The following ATAD2 variants were observed in gnomAD, a reference collection of about 807,000 sequenced individuals.
ATAD2 encodes the protein ATPase family AAA domain containing 2, also known as ATPase family AAA domain-containing protein 2.
In ATAD2, 62 loss-of-function variants were observed where a neutral mutation model predicts 168.9. The ratio of observed to expected loss-of-function variants is 0.37; its 90% confidence interval spans 0.30 to 0.45. ATAD2 has a LOEUF of 0.45. Ranked by LOEUF, ATAD2 falls within the 20% of genes least tolerant of loss-of-function variation. The pLI is 1.00. For synonymous variants in ATAD2, 613 were observed against 571.6 expected (o/e 1.07, Z -1.03); for missense variants, 1,419 against 1,667.8 (o/e 0.85, Z 2.60).
At chr8:123,381,459 C>T (rs762846050) in intron 1 of ATAD2, among the ~76,000 whole-genome samples, 3 of 151,368 alleles carry the variant, frequency 2.0e-5, no homozygotes, top group Non-Finnish European at 4.4e-5. Context: ...CGTGATCGCG[C>T]CACTGCACTC....
intron 1 of ATAD2, among the ~76,000 whole-genome samples, chr8:123,381,414 T>C (rs984143588): frequency 1.3e-5 from 2 of 152,070 alleles, no homozygotes; most frequent in African/African-American, 2.4e-5. Flanking sequence ...AATGGGAGGA[T>C]GATTTGAGCC....
In ATAD2 at chr8:123,396,202, G is replaced by T; in HGVS notation, c.156C>A (p.Thr52=). ...AGAAQKKPAA[T]TAKAGDGSSV... The stretch of plus-strand genomic sequence containing the variant: ...CCGTACTCACGCCCGCTTTGGCTGT[G>T]GTCGCCGCGGGTTTCTTCTGCGCCG... The change falls in exon 1 of 28, where the codon ACC becomes ACA. Residue 52 remains threonine, a synonymous_variant. Coordinates refer to ENST00000287394, the MANE Select transcript of ATAD2 (RefSeq NM_014109.4). 6.3e-7 allele frequency: 1 copy of T among 1,581,684 alleles called. No individual in the cohort carries two copies. Among genetic ancestry groups the T allele is most frequent in the Non-Finnish European group, 8.6e-7 (1 of 1,169,010 alleles).
chr8:123,401,771 T>G (rs1813006848), intron 1 of ATAD2: 1 of 749,666 alleles, frequency 1.3e-6, no homozygotes, highest in Non-Finnish European at 2.4e-6. Flanking sequence ...CGAATAGTTC[T>G]CAGATGGGGT....
chr8:123,366,738 A>G (rs1828991213), intron 8 of ATAD2, among the ~76,000 whole-genome samples: 1 of 152,214 alleles, frequency 6.6e-6, no homozygotes, highest in Non-Finnish European at 1.5e-5. Flanking sequence ...TCAGGGGGAA[A>G]GAGTGGGAAG....
chr8:123,334,781 C>T (rs963909982), intron 22 of ATAD2, among the ~76,000 whole-genome samples: 1 of 152,276 alleles, frequency 6.6e-6, no homozygotes, highest in African/African-American at 2.4e-5. Flanking sequence ...AAATCCTAAG[C>T]TCAGAGTATG....
chr8:123,393,857 C>T (rs988431243), intron 1 of ATAD2, among the ~76,000 whole-genome samples: 2 of 151,958 alleles, frequency 1.3e-5, no homozygotes, highest in African/African-American at 4.8e-5. Flanking sequence ...GCGGAAACTG[C>T]AGCAAGCCGA....
At chr8:123,354,864 A>AAAAAAAATAT (rs1554644338) in intron 13 of ATAD2, among the ~76,000 whole-genome samples, 1 of 64,714 alleles carries the variant, frequency 1.5e-5, no homozygotes, top group African/African-American at 8.7e-5. Flanking sequence ...AAAAAAAAAA[A>AAAAAAAATAT]ATATATATAT....
intron 23 of ATAD2, 83 bp downstream of exon 23, chr8:123,334,115 CTT>C (rs988712100): frequency 1.3e-6 from 2 of 1,543,970 alleles, no homozygotes; most frequent in African/African-American, 2.8e-5. Flanking sequence ...CTGAAGCATC[CTT>C]TTCAGATGCT....
At chr8:123,333,230 A>AG (rs1827824425) in intron 24 of ATAD2, among the ~76,000 whole-genome samples, 1 of 97,798 alleles carries the variant, frequency 1.0e-5, no homozygotes, top group African/African-American at 3.6e-5. Flanking sequence ...CTCTAAAAAT[A>AG]CAAAAAAAAA....
In ATAD2 at chr8:123,372,694, TTAAA is replaced by T. The variant is rs745799940; in HGVS notation, c.321-12_321-9del. On this transcript the variant is annotated splice_polypyrimidine_tract_variant and intron_variant, in intron 2 of 27. Coordinates refer to ENST00000287394, the MANE Select transcript of ATAD2 (RefSeq NM_014109.4). ...TGCTGTCTGGCCAACTGCCTATATT[TTAAA>T]AAATTAGATTAATTCAAAATAATTG... 3 of 1,567,866 alleles carry T rather than the reference TTAAA, an allele frequency of 1.9e-6. No homozygotes were observed. Among genetic ancestry groups the T allele is most frequent in the Non-Finnish European group, 2.6e-6 (3 of 1,159,028 alleles).
chr8:123,359,565 C>CA lies in ATAD2; in HGVS notation c.1266+11dup. On this transcript the variant is annotated intron_variant, in intron 10 of 27. Coordinates refer to ENST00000287394, the MANE Select transcript of ATAD2 (RefSeq NM_014109.4). ...TATAGTTCAAGCATATGTTTCAAAA[C>CA]AGAGTACTCACTGAAGAATCTAGTT... The CA allele has an allele frequency of 1.3e-6, 2 of 1,586,992 alleles. No homozygotes were observed. The highest frequency in any genetic ancestry group is 8.6e-7 in the Non-Finnish European group (1 of 1,159,078).
intron 20 of ATAD2, among the ~76,000 whole-genome samples, chr8:123,338,347 T>C (rs577040322): frequency 9.4e-5 from 14 of 148,652 alleles, no homozygotes; most frequent in African/African-American, 3.0e-4. Flanking sequence ...AGAGAGAGAC[T>C]CCGTCTCAAG....
chr8:123,371,631 G>T, intron 4 of ATAD2, 39 bp downstream of exon 4: 1 of 1,547,870 alleles, frequency 6.5e-7, no homozygotes, highest in Non-Finnish European at 8.7e-7. Flanking sequence ...AAAAGTCTCT[G>T]ACAGATAAAT....
intron 1 of ATAD2, among the ~76,000 whole-genome samples, chr8:123,383,570 G>A (rs374787849): frequency 6.6e-6 from 1 of 151,900 alleles, no homozygotes; most frequent in East Asian, 1.9e-4. Context: ...TTGGGAGTTC[G>A]AGACCAGCCT....
chr8:123,397,565 C>T (rs78448759), upstream of ATAD2, among the ~76,000 whole-genome samples: 2,861 of 152,080 alleles, frequency 0.019, 103 homozygotes, highest in African/African-American at 0.066. Flanking sequence ...GGGCTCTTAG[C>T]GAAATAAACG....
Position 123,394,430 on chromosome 8 carries a change from A to T in ATAD2, c.171+1757T>A, listed in dbSNP as rs140459921. 9.5e-4 allele frequency among the ~76,000 whole-genome samples: 144 copies of T among 152,238 alleles called. 5 individuals are homozygous for T. In the East Asian group the frequency reaches 0.011, roughly 11 times the overall value. On this transcript the variant is annotated intron_variant, in intron 1 of 27. Transcript: ENST00000287394. ...GGATCACCTGAGGTCGGAGTTCGAG[A>T]CCAGCCTGGCCAACATACAGAAACC... is the stretch of plus-strand genomic sequence containing the variant.
chr8:123,343,592 G>C (rs1030952063), intron 19 of ATAD2, among the ~76,000 whole-genome samples: 1 of 152,042 alleles, frequency 6.6e-6, no homozygotes, highest in African/African-American at 2.4e-5. Flanking sequence ...TAAACCAATT[G>C]TCAAAAGTGT....
chr8:123,326,956 G>A (rs1472943259), intron 25 of ATAD2, among the ~76,000 whole-genome samples: 1 of 152,088 alleles, frequency 6.6e-6, no homozygotes, highest in African/African-American at 2.4e-5. Context: ...AGGCTGGAGT[G>A]CAGTGGCATG....
In ATAD2 at chr8:123,321,160, C is replaced by T. The variant is rs781416713; in HGVS notation, c.4147G>A (p.Val1383Ile). Residue 1383 changes from valine (V) to isoleucine (I), a missense_variant, in exon 28 of 28, where the codon GTA becomes ATA. Physicochemically the swap from Val to Ile is conservative, Grantham distance 29. Transcript: ENST00000287394. ...TSLIQKMEQE[V>I]ENFSCSR ...CATCTGGAACAACTGAAGTTTTCTA[C>T]CTCTTGCTCCATTTTCTAGATAAAG... 3 of 1,609,268 alleles carry T rather than the reference C, an allele frequency of 1.9e-6. No individual in the cohort carries two copies. In the Admixed American group the frequency reaches 5.1e-5, roughly 27 times the overall value.
Sources: allele counts gnomAD v4.1 joint callset (sites outside exome capture counted in the v4.1 genomes callset), GRCh38; gene constraint gnomAD v4.1.1; transcripts MANE v1.5; gene names NCBI Gene and HGNC (gene_info 2026-07-23, HGNC 2026-07-21).